The following CTU1 variants were observed in gnomAD, a reference collection of about 807,000 sequenced individuals.
The protein encoded by CTU1 is cytosolic thiouridylase subunit 1.
Under a neutral mutation model 12.9 loss-of-function variants are expected in CTU1, and 15 were observed. The observed-to-expected ratio is 1.16, with a 90% CI of 0.78 to 1.79. The LOEUF (loss-of-function observed/expected upper bound fraction) is 1.79, where lower values mean the gene tolerates loss of function less well. Ranked by LOEUF, CTU1 falls within the 40% of genes most tolerant of loss-of-function variation. The pLI is 0.00. For missense variants in CTU1, 553 were observed against 550.5 expected (o/e 1.00, Z -0.05); for synonymous variants, 295 against 275.6 (o/e 1.07, Z -0.70).
intron 2 of CTU1, among the ~76,000 whole-genome samples, chr19:51,103,125 C>T (rs977695721): frequency 6.6e-6 from 1 of 151,974 alleles, no homozygotes; most frequent in African/African-American, 2.4e-5. Flanking sequence ...ATATAGATAA[C>T]GTTATACTTC....
Position 51,107,418 on chromosome 19 carries a change from C to T in CTU1, c.-22+929G>A, listed in dbSNP as rs932626058. Among the ~76,000 whole-genome samples, 4 of 152,108 alleles carry T rather than the reference C, an allele frequency of 2.6e-5. No homozygotes were observed. In the East Asian group the frequency reaches 5.8e-4, roughly 22 times the overall value. On this transcript the variant is annotated intron_variant, in intron 1 of 2. Transcript: ENST00000421832. ...GGTCAAGGCTGCAGTGAGCCATGATCGCACCAGTGCACTCCAGCGTGGGTG... is the reference window on the plus strand; with the variant it reads ...GGTCAAGGCTGCAGTGAGCCATGATTGCACCAGTGCACTCCAGCGTGGGTG...
Position 51,098,839 on chromosome 19 carries a change from G to C in CTU1, c.809C>G (p.Ala270Gly). 1 of 1,211,132 alleles carries C rather than the reference G, an allele frequency of 8.3e-7. No individual in the cohort carries two copies. The highest frequency in any genetic ancestry group is 2.1e-5 in the South Asian group (1 of 47,316). The allele number at this position is 1,211,132 out of a possible 1,614,324, so 75.0% of individuals were successfully genotyped here. Residue 270 changes from alanine to glycine, a missense_variant, in exon 3 of 3, where the codon GCC becomes GGC. Transcript: ENST00000421832. This position sits in a 1 kb window ranked among gnomAD's most constrained non-coding sequence, Gnocchi z 4.3. ...PSAVLDLVHS[A>G]ERLALAPAAR... Reference sequence around the variant, plus strand: ...GGCCGGGGCCAGCGCCAGGCGCTCGGCCGAGTGCACGAGGTCCAGCACCGC... The same window carrying C: ...GGCCGGGGCCAGCGCCAGGCGCTCGCCCGAGTGCACGAGGTCCAGCACCGC...
At chr19:51,099,767 C>A (rs924787396) in intron 2 of CTU1, among the ~76,000 whole-genome samples, 5 of 152,130 alleles carry the variant, frequency 3.3e-5, no homozygotes, top group Non-Finnish European at 5.9e-5. Flanking sequence ...GCTGTCTCCC[C>A]CACCGCCTAG....
In CTU1 at chr19:51,098,357, C is replaced by T; in HGVS notation, c.*244G>A. The T allele has an allele frequency of 6.5e-6, 2 of 310,032 alleles. No homozygotes were observed. The highest frequency in any genetic ancestry group is 1.1e-4 in the East Asian group (2 of 18,940). The allele number at this position is 310,032 out of a possible 1,614,324, so 19.2% of individuals were successfully genotyped here. ...AGGCTTAGTCCTGGCCCTCTCCTCT[C>T]TCAGACCTAGGATGGTCCCCCAGCC... On this transcript the variant is annotated 3_prime_UTR_variant, in exon 3 of 3. Transcript: ENST00000421832. This position sits in a 1 kb window ranked among gnomAD's most constrained non-coding sequence, Gnocchi z 4.3.
chr19:51,104,579 G>T lies in CTU1; in HGVS notation c.-10C>A. 8.0e-7 allele frequency: 1 copy of T among 1,246,536 alleles called. No homozygotes were observed. The highest frequency in any genetic ancestry group is 2.4e-4 in the Middle Eastern group (1 of 4,172). 77.2% of individuals were successfully genotyped at this position (1,246,536 alleles called of 1,614,324 possible). ...ACGGCGGGGCGGGCATTGCGGGAGG[G>T]GTCGGCTTCTCCTAGACAGGGAGAG... On this transcript the variant is annotated 5_prime_UTR_variant, in exon 2 of 3. Coordinates refer to ENST00000421832, the MANE Select transcript of CTU1 (RefSeq NM_145232.4).
intron 2 of CTU1, 26 bp downstream of exon 2, chr19:51,104,036 C>T: frequency 2.8e-6 from 4 of 1,424,466 alleles, no homozygotes; most frequent in Non-Finnish European, 3.6e-6. Flanking sequence ...CGGAGAGTGC[C>T]GCTCTGCGGC....
rs1456447328 is a variant in CTU1 at position 51,098,986 on chromosome 19, ACCT to A, written c.659_661del (p.Glu220del). ...GCGGCGGAAGTGCGCGTACAGCACC[ACCT>A]CCTTCTGCGAGGCGAACTGCAGCGG... On this transcript the variant is annotated inframe_deletion, in exon 3 of 3. Transcript: ENST00000421832. This position sits in a 1 kb window ranked among gnomAD's most constrained non-coding sequence, Gnocchi z 4.3. 1 of 1,541,526 alleles carries A rather than the reference ACCT, an allele frequency of 6.5e-7. No homozygotes were observed. Among genetic ancestry groups the A allele is most frequent in the East Asian group, 2.5e-5 (1 of 40,114 alleles).
intron 1 of CTU1, among the ~76,000 whole-genome samples, chr19:51,106,651 G>A (rs979185514): frequency 2.0e-5 from 3 of 151,240 alleles, no homozygotes; most frequent in Admixed American, 6.6e-5. Flanking sequence ...GACTACAGGC[G>A]TGTACCACCA....
chr19:51,102,348 G>A (rs2091909365), intron 2 of CTU1, among the ~76,000 whole-genome samples: 2 of 152,152 alleles, frequency 1.3e-5, no homozygotes, highest in South Asian at 4.1e-4. Context: ...TGTATGGTAA[G>A]GATTATTCTT....
Position 51,104,427 on chromosome 19 carries a change from A to G in CTU1, c.143T>C (p.Leu48Pro). The G allele has an allele frequency of 8.2e-7, 1 of 1,223,968 alleles. No homozygotes were observed. The highest frequency in any genetic ancestry group is 1.6e-5 in the African/African-American group (1 of 61,776). The allele number at this position is 1,223,968 out of a possible 1,614,324, so 75.8% of individuals were successfully genotyped here. Residue 48 changes from leucine (L) to proline (P), a missense_variant, in exon 2 of 3, where the codon CTG becomes CCG. Transcript: ENST00000421832. ...CACGGCCACCACCGCGCCGGGCGGC[A>G]GCAGGCGGCCGGCGAGCACCGTGTG... ...VLHTVLAGRL[L>P]PPGAVVAVGA...
intron 1 of CTU1, among the ~76,000 whole-genome samples, chr19:51,107,320 T>A (rs2091922973): frequency 6.6e-6 from 1 of 152,170 alleles, no homozygotes; most frequent in South Asian, 2.1e-4. Context: ...ATAAATTAGC[T>A]GCACCTGGTG....
chr19:51,107,765 G>A (rs976819138), intron 1 of CTU1, among the ~76,000 whole-genome samples: 3 of 152,124 alleles, frequency 2.0e-5, no homozygotes, highest in African/African-American at 7.2e-5. Flanking sequence ...ATTCCATTTG[G>A]CCACGTCAGG....
chr19:51,106,882 A>G (rs2091922011), intron 1 of CTU1, among the ~76,000 whole-genome samples: 1 of 152,190 alleles, frequency 6.6e-6, no homozygotes, highest in Non-Finnish European at 1.5e-5. Context: ...CTGGTCCTCC[A>G]CATGGCTGGG....
rs939361549 is a variant in CTU1, at chr19:51,098,684, G to T, written c.964C>A (p.Arg322=). The T allele has an allele frequency of 3.1e-6, 4 of 1,294,696 alleles. No homozygotes were observed. The Admixed American group carries it at 1.7e-4, about 53-fold the overall frequency. The allele number at this position is 1,294,696 out of a possible 1,614,324, so 80.2% of individuals were successfully genotyped here. Residue 322 remains arginine (R), a synonymous_variant, in exon 3 of 3, where the codon CGG becomes AGG. Coordinates refer to ENST00000421832, the MANE Select transcript of CTU1 (RefSeq NM_145232.4). This position sits in a 1 kb window ranked among gnomAD's most constrained non-coding sequence, Gnocchi z 4.3. The part of the protein sequence containing the change: ...RPRLAIGKGR[R]GLDEEATPGT... Reference sequence around the variant, plus strand: ...GGCGTCGCCTCCTCGTCCAGACCCCGGCGGCCCTTGCCGATGGCCAGGCGG... The same window carrying T: ...GGCGTCGCCTCCTCGTCCAGACCCCTGCGGCCCTTGCCGATGGCCAGGCGG...
rs866334563 is a variant in CTU1, at chr19:51,106,850, G to T, written c.-22+1497C>A. On this transcript the variant is annotated intron_variant, in intron 1 of 2. Coordinates refer to ENST00000421832, the MANE Select transcript of CTU1 (RefSeq NM_145232.4). ...ATTCTTATGAGCGCCTCTGAATCAT[G>T]ATATTCAGATGTCCCTCCTGGCTGG... 3.7e-4 allele frequency among the ~76,000 whole-genome samples: 57 copies of T among 152,258 alleles called. No homozygotes were observed. In the Middle Eastern group the frequency reaches 0.01, roughly 27 times the overall value.
Position 51,099,034 on chromosome 19 carries a change from C to G in CTU1, c.614G>C (p.Gly205Ala), listed in dbSNP as rs773312410. The G allele has an allele frequency of 1.1e-5, 16 of 1,509,136 alleles. No individual in the cohort carries two copies. The Admixed American group carries it at 3.3e-4, about 31-fold the overall frequency. 93.5% of individuals were successfully genotyped at this position (1,509,136 alleles called of 1,614,324 possible). The change falls in exon 3 of 3, where the codon GGC (glycine) becomes GCC (alanine). Residue 205 changes from glycine (G) to alanine (A), a missense_variant. Physicochemically the swap from Gly to Ala is moderately conservative, Grantham distance 60 (BLOSUM62 0). Transcript: ENST00000421832. ...GGGLGSPGEG[G>A]ALPRCRPLQF... Reference sequence around the variant, plus strand: ...CAGCGGGCGGCAGCGCGGCAGGGCGCCCCCCTCGCCGGGAGAGCCCAGGCC... The same window carrying G: ...CAGCGGGCGGCAGCGCGGCAGGGCGGCCCCCTCGCCGGGAGAGCCCAGGCC...
At chr19:51,104,791 G>T (rs552502787) in intron 1 of CTU1, among the ~76,000 whole-genome samples, 1 of 152,198 alleles carries the variant, frequency 6.6e-6, no homozygotes, top group African/African-American at 2.4e-5. Flanking sequence ...CTTAGGGAAG[G>T]CTTCTTGGAT....
chr19:51,102,289 C>T (rs1021107053), intron 2 of CTU1, among the ~76,000 whole-genome samples: 3 of 152,208 alleles, frequency 2.0e-5, no homozygotes, highest in African/African-American at 7.2e-5. Flanking sequence ...AGGTGTGAGC[C>T]ACTGTGCCCG....
chr19:51,102,113 C>T lies in CTU1; in HGVS notation c.508+1949G>A, dbSNP rs1430413182. Among the ~76,000 whole-genome samples, 3 of 152,292 alleles carry T rather than the reference C, an allele frequency of 2.0e-5. No homozygotes were observed. In the East Asian group the frequency reaches 5.8e-4, roughly 29 times the overall value. ...CCGCCTCCCGGGTTCAAGCAATTCTCCTGCCTCAGCCTCCCGTGTAGCTGG... is the reference window on the plus strand; with the variant it reads ...CCGCCTCCCGGGTTCAAGCAATTCTTCTGCCTCAGCCTCCCGTGTAGCTGG... On this transcript the variant is annotated intron_variant, in intron 2 of 2. Coordinates refer to ENST00000421832, the MANE Select transcript of CTU1 (RefSeq NM_145232.4).
Sources: gnomAD v4.1 joint callset for allele counts (sites outside exome capture counted in the v4.1 genomes callset) on GRCh38, gnomAD v4.1.1 for gene constraint, Gnocchi (gnomAD v3.1) non-coding constraint, MANE v1.5 for transcripts, NCBI Gene and HGNC (gene_info 2026-07-23, HGNC 2026-07-21) for gene names.